Variants in SH3KBP1 observed in about 807,000 individuals in gnomAD.
SH3KBP1 encodes the protein SH3 domain-containing kinase-binding protein 1.
In SH3KBP1, 8 loss-of-function variants were observed where a neutral mutation model predicts 50.1. The ratio of observed to expected loss-of-function variants is 0.16; its 90% CI spans 0.09 to 0.29. The LOEUF (loss-of-function observed/expected upper bound fraction) is 0.29, where lower values mean the gene tolerates loss of function less well. Ranked by LOEUF, SH3KBP1 falls within the 10% of genes least tolerant of loss-of-function variation. The pLI is 1.00. For synonymous variants in SH3KBP1, 227 were observed against 218.6 expected (o/e 1.04, Z -0.34); for missense variants, 377 against 535.2 (o/e 0.70, Z 2.92).
At chrX:19,645,256 A>G (rs2061964542) in intron 7 of SH3KBP1, 144 bp downstream of exon 7, 4 of 490,228 alleles carry the variant, frequency 8.2e-6, no homozygotes, top group Non-Finnish European at 1.4e-5. Context: ...ATGGTGGGGA[A>G]TTGAATGAAA....
intron 1 of SH3KBP1, among the ~76,000 whole-genome samples, chrX:19,837,305 G>A (rs2068085745): frequency 9.0e-6 from 1 of 111,380 alleles, no homozygotes; most frequent in African/African-American, 3.3e-5. Context: ...ACTTGGTAAT[G>A]AGCAAAGGCA....
chrX:19,842,519 C>T (rs1343231120), intron 1 of SH3KBP1, among the ~76,000 whole-genome samples: 1 of 110,975 alleles, frequency 9.0e-6, no homozygotes, highest in African/African-American at 3.3e-5. Context: ...GAGCAAGAAT[C>T]CATCTCAAAA....
At chrX:19,753,927 C>T (rs2065139622) in intron 2 of SH3KBP1, among the ~76,000 whole-genome samples, 1 of 112,284 alleles carries the variant, frequency 8.9e-6, no homozygotes, top group African/African-American at 3.2e-5. Flanking sequence ...GTTGATGTCT[C>T]ACACCACAAT....
chrX:19,779,448 T>C (rs1163614888), intron 2 of SH3KBP1, among the ~76,000 whole-genome samples: 1 of 108,388 alleles, frequency 9.2e-6, no homozygotes, highest in African/African-American at 3.4e-5. Context: ...TTATTATACT[T>C]TAAGTTTTAG....
chrX:19,882,388 A>G (rs933489021), intron 1 of SH3KBP1, among the ~76,000 whole-genome samples: 18 of 111,396 alleles, frequency 1.6e-4, no homozygotes, highest in African/African-American at 5.6e-4. Flanking sequence ...GGTGGACCCA[A>G]TGTCATCACA....
At chrX:19,603,391 C>T (rs1349348540) in intron 9 of SH3KBP1, among the ~76,000 whole-genome samples, 2 of 112,280 alleles carry the variant, frequency 1.8e-5, no homozygotes, top group African/African-American at 3.2e-5. Context: ...GACTGGCTGA[C>T]ATCTGAGTTC....
chrX:19,731,446 C>T (rs375126410), intron 3 of SH3KBP1, among the ~76,000 whole-genome samples: 1 of 111,624 alleles, frequency 9.0e-6, no homozygotes, highest in East Asian at 2.8e-4. Flanking sequence ...TCTCATTACT[C>T]AAGATCTAGT....
At chrX:19,718,028 C>A (rs968247110) in intron 3 of SH3KBP1, among the ~76,000 whole-genome samples, 1 of 110,368 alleles carries the variant, frequency 9.1e-6, no homozygotes, top group Non-Finnish European at 1.9e-5. Context: ...GTATATCCAG[C>A]AGCCATTAAA....
At chrX:19,724,612 G>A (rs1164592375) in intron 3 of SH3KBP1, among the ~76,000 whole-genome samples, 2 of 112,701 alleles carry the variant, frequency 1.8e-5, no homozygotes, top group Non-Finnish European at 3.7e-5. Flanking sequence ...ATGAATGGGT[G>A]TGCCTGTGTG....
chrX:19,676,876 C>A (rs1030153904), intron 6 of SH3KBP1, among the ~76,000 whole-genome samples: 1 of 111,989 alleles, frequency 8.9e-6, no homozygotes, highest in Non-Finnish European at 1.9e-5. Flanking sequence ...ACAAACACAA[C>A]GCCTTGTAGA....
In SH3KBP1 at chrX:19,549,983, G is replaced by A; in HGVS notation, c.1485C>T (p.Ser495=). The A allele has an allele frequency of 8.4e-7, 1 of 1,191,446 alleles. No individual in the cohort carries two copies. Among genetic ancestry groups the A allele is most frequent in the South Asian group, 1.8e-5 (1 of 56,269 alleles). The part of the protein sequence containing the change: ...KATGRRPPSQ[S]LTSSSLSSPD... ...TTGAGGAGACACTTACAGATGTGAG[G>A]GACTGGGACGGAGGCCGCCTCCCTG... Residue 495 remains serine (S), a synonymous_variant, in exon 14 of 18, where the codon TCC becomes TCT. Transcript: ENST00000397821.
At chrX:19,747,788 G>C (rs1007104468) in intron 2 of SH3KBP1, 21 of 319,679 alleles carry the variant, frequency 6.6e-5, no homozygotes, top group Non-Finnish European at 1.2e-4. Context: ...TGTTTCAACT[G>C]GCGTCCCAGA....
chrX:19,564,842 C>T (rs1473137126), intron 13 of SH3KBP1, among the ~76,000 whole-genome samples: 2 of 109,473 alleles, frequency 1.8e-5, no homozygotes, highest in Non-Finnish European at 3.8e-5. Context: ...TCTGTGGGGG[C>T]TATCCTACAC....
intron 8 of SH3KBP1, among the ~76,000 whole-genome samples, chrX:19,611,316 A>G (rs1301844380): frequency 8.9e-6 from 1 of 111,996 alleles, no homozygotes; most frequent in Non-Finnish European, 1.9e-5. Context: ...CCCATCCAGA[A>G]TAACTTTGGT....
At chrX:19,536,530 T>C in intron 17 of SH3KBP1, 72 bp from the exon 18 acceptor site, 1 of 673,415 alleles carries the variant, frequency 1.5e-6, no homozygotes, top group South Asian at 2.8e-5. Flanking sequence ...TGAAAGATTA[T>C]CAACCCGGTC....
Position 19,662,646 on chromosome X carries a change from C to T in SH3KBP1, c.727-17171G>A, listed in dbSNP as rs1023334826. ...GTGTGATAAAAACCAGGCTCCCCAA[C>T]TTTTGAGGTTCCACTTTTTTTCTCT... On this transcript the variant is annotated intron_variant, in intron 6 of 17. Transcript: ENST00000397821. Among the ~76,000 whole-genome samples the T allele has an allele frequency of 2.7e-5, 3 of 111,383 alleles. No individual in the cohort carries two copies. The East Asian group carries it at 8.4e-4, about 31-fold the overall frequency.
chrX:19,642,413 A>G (rs2061880607), intron 7 of SH3KBP1, among the ~76,000 whole-genome samples: 1 of 111,907 alleles, frequency 8.9e-6, no homozygotes, highest in Non-Finnish European at 1.9e-5. Context: ...AGGCGGTATG[A>G]GTGTCCAGTT....
At chrX:19,601,177 ACATGCAGACAC>A (rs2067078927) in intron 9 of SH3KBP1, among the ~76,000 whole-genome samples, 1 of 111,842 alleles carries the variant, frequency 8.9e-6, no homozygotes, top group African/African-American at 3.3e-5. Flanking sequence ...TGGCACCAAG[ACATGCAGACAC>A]CATCCTTCAA....
chrX:19,766,119 C>T (rs965497724), intron 2 of SH3KBP1, among the ~76,000 whole-genome samples: 8 of 111,735 alleles, frequency 7.2e-5, no homozygotes, highest in Non-Finnish European at 1.3e-4. Context: ...CACCATTTTA[C>T]ATCCCCACCG....
Sources: allele counts gnomAD v4.1 joint callset (sites outside exome capture counted in the v4.1 genomes callset), GRCh38; gene constraint gnomAD v4.1.1; transcripts MANE v1.5; gene names NCBI Gene and HGNC (gene_info 2026-07-23, HGNC 2026-07-21).